Variants in BLTP3A observed in about 807,000 individuals in gnomAD.
BLTP3A encodes bridge-like lipid transfer protein family member 3A.
the BLTP3A span, among the ~76,000 whole-genome samples, chr6:34,827,837 G>T: frequency 1.3e-5 from 2 of 152,146 alleles, no homozygotes; most frequent in African/African-American, 2.4e-5. Flanking sequence ...TCACCATGTT[G>T]CCCAGGCTGG....
At chr6:34,849,584 C>G in the BLTP3A span, among the ~76,000 whole-genome samples, 1 of 152,016 alleles carries the variant, frequency 6.6e-6, no homozygotes, top group Admixed American at 6.6e-5. Context: ...TCTTTCTATT[C>G]AAGATATGAG....
chr6:34,873,728 A>G, the BLTP3A span: 1 of 152,182 alleles, frequency 6.6e-6, no homozygotes, highest in African/African-American at 2.4e-5. Flanking sequence ...GATGTTACTA[A>G]AGTCTCGACC....
chr6:34,834,833 G>A, the BLTP3A span: 1 of 1,614,012 alleles, frequency 6.2e-7, no homozygotes. Flanking sequence ...ACGAACCAAG[G>A]CAGGATCCAA....
the BLTP3A span, among the ~76,000 whole-genome samples, chr6:34,811,573 A>T: frequency 1.4e-4 from 21 of 152,058 alleles, no homozygotes; most frequent in South Asian, 2.7e-3. Flanking sequence ...AAAAGTGTTT[A>T]AAAAAAGGCC....
At chr6:34,808,234 T>C in the BLTP3A span, among the ~76,000 whole-genome samples, 3 of 148,848 alleles carry the variant, frequency 2.0e-5, no homozygotes, top group Non-Finnish European at 3.0e-5. Flanking sequence ...TCCTAGCTAC[T>C]CTGGAGGAGG....
the BLTP3A span, chr6:34,856,229 C>T: frequency 3.7e-5 from 60 of 1,605,252 alleles, no homozygotes; most frequent in East Asian, 2.2e-4. Context: ...TTCACTTCTT[C>T]GTTGCACAGG....
At chr6:34,852,213 C>T in the BLTP3A span, among the ~76,000 whole-genome samples, 1 of 152,134 alleles carries the variant, frequency 6.6e-6, no homozygotes, top group Non-Finnish European at 1.5e-5. Context: ...GTGGTCACCA[C>T]AGGTAAGAGT....
chr6:34,837,295 A>T, the BLTP3A span, among the ~76,000 whole-genome samples: 2 of 152,176 alleles, frequency 1.3e-5, 1 homozygote, highest in Non-Finnish European at 2.9e-5. Context: ...TAATCTCAAT[A>T]CTTTGGGAGG....
At chr6:34,858,668 C>T in the BLTP3A span, 1 of 1,614,150 alleles carries the variant, frequency 6.2e-7, no homozygotes, top group African/African-American at 1.3e-5. Flanking sequence ...GACTCTATGT[C>T]CCATCCGCGG....
chr6:34,820,542 G>A, the BLTP3A span, among the ~76,000 whole-genome samples: 1 of 151,808 alleles, frequency 6.6e-6, no homozygotes, highest in Non-Finnish European at 1.5e-5. Context: ...CTGGACAGCT[G>A]GATAGCACTT....
the BLTP3A span, chr6:34,864,004 A>G: frequency 6.3e-7 from 1 of 1,576,054 alleles, no homozygotes; most frequent in Non-Finnish European, 8.6e-7. Context: ...TTAAACAGGG[A>G]GCCCATGGCC....
At chr6:34,865,933 C>T in the BLTP3A span, among the ~76,000 whole-genome samples, 7 of 152,150 alleles carry the variant, frequency 4.6e-5, no homozygotes, top group South Asian at 8.3e-4. Flanking sequence ...ATGGCAGGCC[C>T]GGGGCAGTGG....
At chr6:34,867,229 T>G in the BLTP3A span, 1 of 1,610,586 alleles carries the variant, frequency 6.2e-7, no homozygotes, top group Non-Finnish European at 8.5e-7. Context: ...ATGCAGAGTC[T>G]GGTCCAGAAT....
chr6:34,800,626 T>C, the BLTP3A span, among the ~76,000 whole-genome samples: 1 of 152,158 alleles, frequency 6.6e-6, no homozygotes, highest in Non-Finnish European at 1.5e-5. Context: ...TGAATACAGA[T>C]AAATATTGGA....
chr6:34,806,678 C>A, the BLTP3A span, among the ~76,000 whole-genome samples: 1 of 152,092 alleles, frequency 6.6e-6, no homozygotes, highest in Non-Finnish European at 1.5e-5. Context: ...CCCCCCCTCC[C>A]CAAGATGGAG....
the BLTP3A span, chr6:34,792,440 CG>C: frequency 5.0e-6 from 4 of 802,326 alleles, no homozygotes; most frequent in Non-Finnish European, 7.1e-6. Flanking sequence ...AACTCGAGCC[CG>C]GACAGCTTCC....
At chr6:34,816,896 C>T in the BLTP3A span, among the ~76,000 whole-genome samples, 1 of 152,134 alleles carries the variant, frequency 6.6e-6, no homozygotes, top group Non-Finnish European at 1.5e-5. Context: ...TGAACTATGC[C>T]CTGCCCCAAT....
At chr6:34,800,999 G>A in the BLTP3A span, among the ~76,000 whole-genome samples, 2 of 152,126 alleles carry the variant, frequency 1.3e-5, no homozygotes, top group Non-Finnish European at 1.5e-5. Flanking sequence ...AAAGTGTTGG[G>A]ATTACAGGCG....
the BLTP3A span, among the ~76,000 whole-genome samples, chr6:34,823,949 C>CT: frequency 2.4e-3 from 347 of 144,706 alleles, 2 homozygotes; most frequent in African/African-American, 7.8e-3. Context: ...CTTGCAGATA[C>CT]TTTTTTTTTT....
Sources: allele counts gnomAD v4.1 joint callset (sites outside exome capture counted in the v4.1 genomes callset), GRCh38; gene constraint gnomAD v4.1.1; transcripts MANE v1.5; gene names NCBI Gene and HGNC (gene_info 2026-07-23, HGNC 2026-07-21).